Variants in CSMD1 observed in about 807,000 individuals in gnomAD.
CSMD1 encodes CUB and sushi domain-containing protein 1.
A neutral mutation model predicts 417.5 loss-of-function variants in CSMD1; 213 were observed. The observed-to-expected ratio is 0.51, with a 90% confidence interval of 0.46 to 0.57. CSMD1 has a LOEUF of 0.57. Among genes scored for constraint, CSMD1 ranks in the 20% least tolerant of loss-of-function variants. The probability of loss-of-function intolerance (pLI) is 0.00; values close to 1 mark genes in which losing one functional copy is unlikely to be tolerated. For synonymous variants in CSMD1, 2,862 were observed against 1,736.8 expected (o/e 1.65, Z -16.11); for missense variants, 6,923 against 4,529.7 (o/e 1.53, Z -15.17).
chr8:3,819,786 T>C (rs900989017), intron 5 of CSMD1, among the ~76,000 whole-genome samples: 2 of 152,068 alleles, frequency 1.3e-5, no homozygotes, highest in Admixed American at 6.6e-5. Flanking sequence ...ATGTAAGCAA[T>C]CCTTTTGCCT....
intron 51 of CSMD1, among the ~76,000 whole-genome samples, chr8:3,020,120 G>C (rs996157293): frequency 2.0e-5 from 3 of 152,184 alleles, no homozygotes; most frequent in African/African-American, 7.2e-5. Context: ...CAGGAGCCAG[G>C]CAGCACTTGC....
At chr8:2,958,781 C>T (rs924640415) in intron 62 of CSMD1, among the ~76,000 whole-genome samples, 1 of 152,238 alleles carries the variant, frequency 6.6e-6, no homozygotes, top group Non-Finnish European at 1.5e-5. Flanking sequence ...GATTTGAATT[C>T]CCCTCTTGTT....
chr8:3,769,590 T>C (rs945616047), intron 5 of CSMD1, among the ~76,000 whole-genome samples: 2 of 152,198 alleles, frequency 1.3e-5, no homozygotes, highest in Middle Eastern at 3.4e-3. Context: ...TACACGCAGA[T>C]ATAAAAGTGA....
intron 51 of CSMD1, 90 bp downstream of exon 51, chr8:3,029,229 A>G (rs1394285737): frequency 1.0e-6 from 1 of 997,076 alleles, no homozygotes; most frequent in Non-Finnish European, 1.4e-6. Flanking sequence ...GGTAGATGAT[A>G]GCTCCACTAG....
At chr8:3,150,000 C>T (rs1335749628) in intron 40 of CSMD1, among the ~76,000 whole-genome samples, 1 of 152,166 alleles carries the variant, frequency 6.6e-6, no homozygotes, top group Non-Finnish European at 1.5e-5. Flanking sequence ...GAATTCTTAA[C>T]CCCTGACTCC....
intron 1 of CSMD1, among the ~76,000 whole-genome samples, chr8:4,870,811 C>A (rs957873129): frequency 1.3e-5 from 2 of 152,124 alleles, no homozygotes; most frequent in African/African-American, 4.8e-5. Flanking sequence ...GAAGAAAGAG[C>A]GAGGAGTGCA....
chr8:4,289,037 CATA>C (rs1235591274), intron 3 of CSMD1, among the ~76,000 whole-genome samples: 2 of 152,094 alleles, frequency 1.3e-5, no homozygotes, highest in Non-Finnish European at 2.9e-5. Flanking sequence ...CAATGACTGT[CATA>C]ATGAGCATAA....
chr8:3,181,408 T>A (rs1184845952), intron 36 of CSMD1, among the ~76,000 whole-genome samples, 194 bp from the exon 37 acceptor site: 1 of 152,248 alleles, frequency 6.6e-6, no homozygotes, highest in Admixed American at 6.5e-5. Flanking sequence ...AGTTACCCAT[T>A]GTCTGCTCTG....
At chr8:3,445,739 C>T (rs1471633602) in intron 12 of CSMD1, among the ~76,000 whole-genome samples, 2 of 151,872 alleles carry the variant, frequency 1.3e-5, no homozygotes, top group African/African-American at 4.8e-5. Flanking sequence ...CGAATAAAGT[C>T]CACAAGAACA....
At chr8:3,467,927 G>A (rs1313185506) in intron 12 of CSMD1, among the ~76,000 whole-genome samples, 1 of 152,126 alleles carries the variant, frequency 6.6e-6, no homozygotes, top group East Asian at 1.9e-4. Context: ...TCAAAAAGTA[G>A]AATAAAATAC....
intron 1 of CSMD1, among the ~76,000 whole-genome samples, chr8:4,959,135 G>C (rs950998234): frequency 6.6e-6 from 1 of 152,166 alleles, no homozygotes; most frequent in East Asian, 1.9e-4. Context: ...GGTTATATGA[G>C]AATTTGGAAA....
At chr8:3,242,998 C>A (rs889384223) in intron 26 of CSMD1, among the ~76,000 whole-genome samples, 2 of 152,064 alleles carry the variant, frequency 1.3e-5, no homozygotes, top group African/African-American at 2.4e-5. Flanking sequence ...TAGTCCGTGA[C>A]CAGCGCCGGA....
In CSMD1 at chr8:3,110,182, G is replaced by C. The variant is rs749132851; in HGVS notation, c.6584C>G (p.Ala2195Gly). 1 of 1,610,310 alleles carries C rather than the reference G, an allele frequency of 6.2e-7. No homozygotes were observed. The highest frequency in any genetic ancestry group is 8.5e-7 in the Non-Finnish European group (1 of 1,178,450). Residue 2195 changes from alanine (A) to glycine (G), a missense_variant, in exon 43 of 70, where the codon GCT (alanine) becomes GGT (glycine). Physicochemically the swap from Ala to Gly is moderately conservative, Grantham distance 60 (BLOSUM62 0). Coordinates refer to ENST00000635120, the MANE Select transcript of CSMD1 (RefSeq NM_033225.6). The part of the protein sequence containing the change: ...YINFTLLQTE[A>G]VNDYIAVWDG... ...CCAAACAGCAATGTAATCGTTGACA[G>C]CTTCCGTCTGTAACAGGGTGAAGTT...
intron 3 of CSMD1, among the ~76,000 whole-genome samples, chr8:4,381,243 G>C (rs1310742743): frequency 1.3e-5 from 2 of 152,150 alleles, no homozygotes; most frequent in East Asian, 1.9e-4. Context: ...GATTAGGGGA[G>C]CATCTGAGTG....
chr8:2,966,032 T>G, intron 58 of CSMD1, 78 bp from the exon 59 acceptor site: 1 of 1,292,214 alleles, frequency 7.7e-7, no homozygotes, highest in Non-Finnish European at 1.1e-6. Context: ...CTATTCAAGA[T>G]ACTCTCTCTG....
chr8:4,933,163 TCTTTCTTCCCCTTC>T (rs1807359290), intron 1 of CSMD1, among the ~76,000 whole-genome samples: 1 of 152,182 alleles, frequency 6.6e-6, no homozygotes, highest in African/African-American at 2.4e-5. Flanking sequence ...TACTTTTTTT[TCTTTCTTCCCCTTC>T]CTTTCTTCCT....
chr8:3,995,020 T>G (rs982946153), intron 5 of CSMD1, among the ~76,000 whole-genome samples: 13 of 152,130 alleles, frequency 8.5e-5, no homozygotes, highest in African/African-American at 2.9e-4. Context: ...GCACCCACAA[T>G]GCTCCCCGTC....
At chr8:3,048,483 G>A (rs536636763) in intron 50 of CSMD1, among the ~76,000 whole-genome samples, 88 of 152,164 alleles carry the variant, frequency 5.8e-4, no homozygotes, top group African/African-American at 2.0e-3. Context: ...ACCCAAGAGA[G>A]TAAAGATAAT....
chr8:3,522,183 A>T (rs1349448365), intron 10 of CSMD1, among the ~76,000 whole-genome samples: 1 of 152,208 alleles, frequency 6.6e-6, no homozygotes, highest in African/African-American at 2.4e-5. Flanking sequence ...GCAATGTGAA[A>T]AATCGTTATA....
Sources: gnomAD v4.1 joint callset for allele counts (sites outside exome capture counted in the v4.1 genomes callset) on GRCh38, gnomAD v4.1.1 for gene constraint, MANE v1.5 for transcripts, NCBI Gene and HGNC (gene_info 2026-07-23, HGNC 2026-07-21) for gene names.